SGIP1: variants seen among roughly 807,000 people sequenced by gnomAD.
SGIP1 encodes SH3GL interacting endocytic adaptor 1, also known as SH3-containing GRB2-like protein 3-interacting protein 1.
A neutral mutation model predicts 107.5 loss-of-function variants in SGIP1; 38 were observed. The ratio of observed to expected loss-of-function variants is 0.35; its 90% CI spans 0.27 to 0.46. SGIP1 has a LOEUF of 0.46. Among genes scored for constraint, SGIP1 ranks in the 20% least tolerant of loss-of-function variants. SGIP1 has a pLI of 1.00. For missense variants in SGIP1, 929 were observed against 1,019.5 expected, an observed-to-expected ratio of 0.91 and a Z score of 1.21; for synonymous variants, 365 against 366.1, an observed-to-expected ratio of 1.00 and a Z score of 0.03.
chr1:66,632,973 G>T, intron 2 of SGIP1, 97 bp from the exon 3 acceptor site: 1 of 796,128 alleles, frequency 1.3e-6, no homozygotes, highest in South Asian at 1.5e-5. Context: ...GCTGGGGAAG[G>T]GGAGGATGGT....
chr1:66,682,226 A>G lies in SGIP1; in HGVS notation c.1172A>G (p.Asp391Gly), dbSNP rs769405791. The change falls in exon 15 of 25, where the codon GAT (aspartate) becomes GGT (glycine). Residue 391 changes from aspartate to glycine, a missense_variant. Around this residue, in one of 2 missense-constraint regions of SGIP1, gnomAD observed 588 missense variants for 588.6 expected, o/e 1.00. Coordinates refer to ENST00000371037, the MANE Select transcript of SGIP1 (RefSeq NM_032291.4). ...GTCGCTGAGCAGACCTTCATTAAAG[A>G]TGATTACTTAGAAACAATCTCATCT... ...KKVAEQTFIK[D>G]DYLETISSPK... 3 of 1,614,212 alleles carry G rather than the reference A, an allele frequency of 1.9e-6. No homozygotes were observed. The highest frequency in any genetic ancestry group is 4.5e-5 in the East Asian group (2 of 44,878).
At chr1:66,616,594 C>T (rs555980515) in intron 1 of SGIP1, among the ~76,000 whole-genome samples, 5 of 152,164 alleles carry the variant, frequency 3.3e-5, no homozygotes, top group Non-Finnish European at 4.4e-5. Context: ...AATCTCAAAG[C>T]TCATACTTTA....
At chr1:66,630,144 A>T (rs892090683) in intron 2 of SGIP1, among the ~76,000 whole-genome samples, 97 of 152,284 alleles carry the variant, frequency 6.4e-4, no homozygotes, top group Non-Finnish European at 1.2e-3. Flanking sequence ...AAAGGATCAG[A>T]ATAGGACTCC....
intron 1 of SGIP1, among the ~76,000 whole-genome samples, chr1:66,543,083 A>T (rs996163016): frequency 6.6e-6 from 1 of 152,232 alleles, no homozygotes; most frequent in Non-Finnish European, 1.5e-5. Context: ...ACAGTCATCA[A>T]CTTGAAGAAG....
intron 8 of SGIP1, among the ~76,000 whole-genome samples, chr1:66,662,329 G>A (rs1049764013): frequency 3.9e-5 from 6 of 152,098 alleles, no homozygotes; most frequent in East Asian, 3.8e-4. Context: ...TTTCCCCATA[G>A]CACTAAATTT....
At chr1:66,609,926 C>CT (rs529374002) in intron 1 of SGIP1, among the ~76,000 whole-genome samples, 5 of 151,978 alleles carry the variant, frequency 3.3e-5, no homozygotes, top group Admixed American at 2.0e-4. Context: ...TTATTCTGGG[C>CT]TTTTTTTTCA....
chr1:66,660,816 T>C (rs547713071), intron 8 of SGIP1, among the ~76,000 whole-genome samples: 1 of 152,322 alleles, frequency 6.6e-6, no homozygotes, highest in East Asian at 1.9e-4. Flanking sequence ...CTAAGTTTCA[T>C]TTATTGCAGT....
intron 15 of SGIP1, 96 bp from the exon 16 acceptor site, chr1:66,689,047 CAAAAA>C (rs35898963): frequency 9.0e-4 from 1,092 of 1,213,640 alleles, no homozygotes; most frequent in South Asian, 3.9e-3. Context: ...ACTGCCAAGG[CAAAAA>C]AAAAAAAAAA....
At chr1:66,629,993 A>T (rs769244250) in intron 2 of SGIP1, among the ~76,000 whole-genome samples, 5 of 152,186 alleles carry the variant, frequency 3.3e-5, no homozygotes, top group Non-Finnish European at 7.3e-5. Context: ...AAAGGGGTGA[A>T]GTAACTTGCC....
chr1:66,540,189 G>A (rs1454118983), intron 1 of SGIP1, among the ~76,000 whole-genome samples: 5 of 151,828 alleles, frequency 3.3e-5, no homozygotes, highest in Admixed American at 2.6e-4. Context: ...ACAATATTCT[G>A]CAGTGATAAA....
chr1:66,558,467 AT>A (rs2058489637), intron 1 of SGIP1, among the ~76,000 whole-genome samples: 2 of 151,962 alleles, frequency 1.3e-5, no homozygotes, highest in Admixed American at 6.6e-5. Flanking sequence ...ATTAGACTAT[AT>A]ATTATATTAC....
chr1:66,672,260 A>C (rs2084004801), intron 11 of SGIP1, among the ~76,000 whole-genome samples: 1 of 152,138 alleles, frequency 6.6e-6, no homozygotes, highest in African/African-American at 2.4e-5. Context: ...GGGACAGCTA[A>C]AGTTTCTCTC....
chr1:66,635,041 T>C (rs2075518503), intron 3 of SGIP1, among the ~76,000 whole-genome samples: 2 of 152,262 alleles, frequency 1.3e-5, no homozygotes, highest in Admixed American at 6.5e-5. Context: ...TGTTGAAATG[T>C]GTGGTTTCAT....
At chr1:66,702,574 G>C (rs1220453952) in intron 18 of SGIP1, among the ~76,000 whole-genome samples, 4 of 152,154 alleles carry the variant, frequency 2.6e-5, no homozygotes, top group Non-Finnish European at 5.9e-5. Context: ...AGAATGAAAG[G>C]AAGAGACCAA....
intron 1 of SGIP1, among the ~76,000 whole-genome samples, chr1:66,575,889 C>A (rs191953437): frequency 6.6e-6 from 1 of 152,306 alleles, no homozygotes; most frequent in African/African-American, 2.4e-5. Context: ...CCTTTGTTAT[C>A]AGTGACTCAT....
At chr1:66,686,588 T>C (rs2088351622) in intron 15 of SGIP1, among the ~76,000 whole-genome samples, 1 of 152,222 alleles carries the variant, frequency 6.6e-6, no homozygotes, top group African/African-American at 2.4e-5. Flanking sequence ...CACGAAAGTA[T>C]GTGAAGCCTT....
In SGIP1 at chr1:66,746,735, C is replaced by T. The variant is rs2094557877; in HGVS notation, c.*3640C>T. 6.6e-6 allele frequency: 1 copy of T among 152,020 alleles called. No individual in the cohort carries two copies. The highest frequency in any genetic ancestry group is 2.4e-5 in the African/African-American group (1 of 41,430). 9.4% of individuals were successfully genotyped at this position (152,020 alleles called of 1,614,324 possible). A position where few individuals can be genotyped will look rare whatever the true frequency, so the allele number is the denominator to read the frequency against. ...GAAAGTAACCCAGCTATTCTGACTG[C>T]AAAGGAAACGCCTTAATTGCTTTGT... is the stretch of plus-strand genomic sequence containing the variant. On this transcript the variant is annotated 3_prime_UTR_variant, in exon 25 of 25. Coordinates refer to ENST00000371037, the MANE Select transcript of SGIP1 (RefSeq NM_032291.4).
At chr1:66,567,078 A>T (rs551657595) in intron 1 of SGIP1, among the ~76,000 whole-genome samples, 7 of 152,202 alleles carry the variant, frequency 4.6e-5, no homozygotes, top group Admixed American at 2.6e-4. Flanking sequence ...AACATGGTGT[A>T]TACATACCAC....
intron 3 of SGIP1, among the ~76,000 whole-genome samples, chr1:66,633,718 A>G (rs770254161): frequency 9.2e-5 from 14 of 152,136 alleles, no homozygotes; most frequent in Non-Finnish European, 1.5e-4. Flanking sequence ...AGTTGTGCTT[A>G]CGGGAGTCTG....
Sources: allele counts gnomAD v4.1 joint callset (sites outside exome capture counted in the v4.1 genomes callset), GRCh38; gene constraint gnomAD v4.1.1; regional missense constraint gnomAD v4.1.1; transcripts MANE v1.5; gene names NCBI Gene and HGNC (gene_info 2026-07-23, HGNC 2026-07-21).